The following FANCM variants were observed in gnomAD, a reference collection of about 807,000 sequenced individuals.
FANCM encodes FA complementation group M.
FANCM carries 140 observed loss-of-function variants against 199.5 expected under a neutral mutation model. The observed-to-expected ratio is 0.70, with a 90% confidence interval of 0.61 to 0.81. The LOEUF (loss-of-function observed/expected upper bound fraction) is 0.81, where lower values mean the gene tolerates loss of function less well. FANCM is among the 30% of genes least tolerant of loss of function. FANCM has a pLI of 0.00. For synonymous variants in FANCM, 840 were observed against 836.8 expected (o/e 1.00, Z -0.07); for missense variants, 2,410 against 2,421.4 (o/e 1.00, Z 0.10).
chr14:45,199,233 T>G (rs748872028), intron 22 of FANCM, among the ~76,000 whole-genome samples: 3 of 152,234 alleles, frequency 2.0e-5, no homozygotes, highest in Non-Finnish European at 4.4e-5. Context: ...TCTGGGCTGT[T>G]CAGTTCTGTA....
At chr14:45,148,217 A>G (rs1231239294) in intron 3 of FANCM, among the ~76,000 whole-genome samples, 1 of 151,418 alleles carries the variant, frequency 6.6e-6, no homozygotes, top group African/African-American at 2.4e-5. Context: ...ACACACACAC[A>G]CACACACACA....
chr14:45,140,491 C>CTGAATATAT (rs1885834052), intron 2 of FANCM, 141 bp from the exon 3 acceptor site: 1 of 653,698 alleles, frequency 1.5e-6, no homozygotes. Flanking sequence ...GATAATATAA[C>CTGAATATAT]TGGTGGTAGT....
intron 16 of FANCM, among the ~76,000 whole-genome samples, chr14:45,183,284 A>G (rs1418374868): frequency 6.6e-6 from 1 of 152,042 alleles, no homozygotes; most frequent in East Asian, 1.9e-4. Context: ...GATTCTTTTG[A>G]CTGGTTTTGT....
Position 45,175,982 on chromosome 14 carries a change from T to G in FANCM, c.3228T>G (p.Asp1076Glu). 6.2e-7 allele frequency: 1 copy of G among 1,613,770 alleles called. No individual in the cohort carries two copies. Among genetic ancestry groups the G allele is most frequent in the Non-Finnish European group, 8.5e-7 (1 of 1,179,734 alleles). Residue 1076 changes from aspartate (D) to glutamate (E), a missense_variant, in exon 14 of 23, where the codon GAT becomes GAG. Coordinates refer to ENST00000267430, the MANE Select transcript of FANCM (RefSeq NM_020937.4). ...ATATACCTAATGATAATATTTCTGATGAGCCAAGTCTCTGTGACTGTGATG... is the reference window on the plus strand; with the variant it reads ...ATATACCTAATGATAATATTTCTGAGGAGCCAAGTCTCTGTGACTGTGATG... ...LYDIPNDNIS[D>E]EPSLCDCDVH... is the part of the protein sequence containing the mutation.
chr14:45,176,102 T>A lies in FANCM; in HGVS notation c.3348T>A (p.His1116Gln), dbSNP rs1888669753. The A allele has an allele frequency of 2.5e-6, 4 of 1,614,038 alleles. No homozygotes were observed. The highest frequency in any genetic ancestry group is 1.3e-5 in the African/African-American group (1 of 75,044). The part of the protein sequence containing the change: ...PAQNLVGENN[H>Q]DVDNSDLPVL... ...AGAATTTAGTTGGAGAGAACAATCA[T>A]GATGTTGATAACAGTGACCTCCCAG... The change falls in exon 14 of 23, where the codon CAT becomes CAA. Residue 1116 changes from histidine (H) to glutamine (Q), a missense_variant. Transcript: ENST00000267430.
At chr14:45,161,094 C>G (rs534124061) in intron 9 of FANCM, among the ~76,000 whole-genome samples, 1 of 152,192 alleles carries the variant, frequency 6.6e-6, no homozygotes, top group South Asian at 2.1e-4. Context: ...GTACCCAATC[C>G]GATCTCTGAT....
rs1890298328 is a variant in FANCM at position 45,200,442 on chromosome 14, GGTAAGGT to G, written c.*437_*443del. On this transcript the variant is annotated 3_prime_UTR_variant, in exon 23 of 23. Transcript: ENST00000267430. ...GTACTGATTCTAAATACATGTACTT[GGTAAGGT>G]GTGGGTGATGGGTGGGTTGTGAGAT... The G allele has an allele frequency of 6.5e-6, 1 of 153,808 alleles. No homozygotes were observed. Among genetic ancestry groups the G allele is most frequent in the African/African-American group, 2.4e-5 (1 of 41,478 alleles). The allele number at this position is 153,808 out of a possible 1,614,324, so 9.5% of individuals were successfully genotyped here. A position where few individuals can be genotyped will look rare whatever the true frequency, so the allele number is the denominator to read the frequency against.
chr14:45,161,784 G>GA lies in FANCM; in HGVS notation c.1581+2513dup, dbSNP rs1411425926. ...ACAGTGAGACCCTGTCTCAAAAAAAGAAAAAAAAATCATGCTGGTTATTGT... is the reference window on the plus strand; with the variant it reads ...ACAGTGAGACCCTGTCTCAAAAAAAGAAAAAAAAAATCATGCTGGTTATTGT... On this transcript the variant is annotated intron_variant, in intron 9 of 22. Coordinates refer to ENST00000267430, the MANE Select transcript of FANCM (RefSeq NM_020937.4). Among the ~76,000 whole-genome samples, 7 of 150,520 alleles carry GA rather than the reference G, an allele frequency of 4.7e-5. No homozygotes were observed. In the South Asian group the frequency reaches 6.3e-4, roughly 14 times the overall value.
intron 11 of FANCM, among the ~76,000 whole-genome samples, chr14:45,169,197 C>T (rs1237309913): frequency 6.6e-6 from 1 of 151,974 alleles, no homozygotes; most frequent in Non-Finnish European, 1.5e-5. Context: ...GCTGGGATTA[C>T]AGGCATGAGC....
intron 3 of FANCM, among the ~76,000 whole-genome samples, chr14:45,143,668 C>A (rs145043248): frequency 6.6e-6 from 1 of 150,380 alleles, no homozygotes; most frequent in African/African-American, 2.5e-5. Flanking sequence ...TAGCTCTGAA[C>A]GGTCTTCCAT....
At chr14:45,149,938 C>T (rs1042911469) in intron 4 of FANCM, among the ~76,000 whole-genome samples, 14 of 151,968 alleles carry the variant, frequency 9.2e-5, no homozygotes, top group African/African-American at 3.4e-4. Context: ...GGACAGCAAC[C>T]CCACAACAAA....
intron 9 of FANCM, among the ~76,000 whole-genome samples, chr14:45,163,356 A>T (rs1486099075): frequency 2.6e-5 from 4 of 151,196 alleles, no homozygotes; most frequent in South Asian, 2.1e-4. Flanking sequence ...AGTAGCTATC[A>T]TTATTTATCA....
rs1889215260 is a variant in FANCM, at chr14:45,183,824, A to C, written c.4437A>C (p.Ser1479=). 6.2e-7 allele frequency: 1 copy of C among 1,608,686 alleles called. No individual in the cohort carries two copies. The highest frequency in any genetic ancestry group is 8.5e-7 in the Non-Finnish European group (1 of 1,175,464). Residue 1479 remains serine (S), a synonymous_variant, in exon 17 of 23, where the codon TCA becomes TCC. Transcript: ENST00000267430. ...DESENFPKPC[S]QLEDFKVCNG... is the part of the protein sequence containing the mutation. ...GTGAGAATTTTCCCAAACCATGTTC[A>C]CAATTAGAAGACTTCAAGGTTTGTA...
intron 21 of FANCM, among the ~76,000 whole-genome samples, chr14:45,196,942 T>C (rs1890091596): frequency 6.6e-6 from 1 of 152,160 alleles, no homozygotes. Flanking sequence ...GGCAGTTAAG[T>C]AGTGGTACTG....
chr14:45,164,126 C>T (rs572678500), intron 9 of FANCM, among the ~76,000 whole-genome samples: 3 of 152,058 alleles, frequency 2.0e-5, no homozygotes, highest in East Asian at 1.9e-4. Flanking sequence ...TTTTATTTTT[C>T]GTAGAGACAG....
intron 20 of FANCM, among the ~76,000 whole-genome samples, chr14:45,190,261 T>C (rs1431474148): frequency 6.6e-6 from 1 of 152,200 alleles, no homozygotes; most frequent in Non-Finnish European, 1.5e-5. Context: ...TAATAGGAAC[T>C]ATATATATTG....
At chr14:45,145,785 C>T (rs924971298) in intron 3 of FANCM, among the ~76,000 whole-genome samples, 2 of 151,964 alleles carry the variant, frequency 1.3e-5, no homozygotes, top group South Asian at 2.1e-4. Context: ...AATGGCCGGG[C>T]GCGGTGGCTC....
At chr14:45,163,332 G>C (rs1887737071) in intron 9 of FANCM, among the ~76,000 whole-genome samples, 2 of 152,220 alleles carry the variant, frequency 1.3e-5, no homozygotes, top group African/African-American at 4.8e-5. Context: ...GGCACATAGT[G>C]TGCCCTTGCA....
intron 21 of FANCM, 145 bp downstream of exon 21, chr14:45,196,692 C>T (rs572954026): frequency 2.5e-6 from 2 of 812,402 alleles, no homozygotes; most frequent in Non-Finnish European, 3.8e-6. Flanking sequence ...TTCATACAGC[C>T]ATAATGGCTT....
Sources: gnomAD v4.1 joint callset for allele counts (sites outside exome capture counted in the v4.1 genomes callset) on GRCh38, gnomAD v4.1.1 for gene constraint, MANE v1.5 for transcripts, NCBI Gene and HGNC (gene_info 2026-07-23, HGNC 2026-07-21) for gene names.